The following AGBL4 variants were observed in gnomAD, a reference collection of about 807,000 sequenced individuals.
AGBL4 encodes the protein AGBL carboxypeptidase 4, also known as cytosolic carboxypeptidase 6.
AGBL4 carries 58 observed loss-of-function variants against 66.4 expected under a neutral mutation model. That is an observed-to-expected ratio of 0.87 (90% CI 0.71 to 1.09). AGBL4 has a LOEUF of 1.09. AGBL4 is among the 50% of genes least tolerant of loss of function. The pLI, the probability that AGBL4 is intolerant of heterozygous loss-of-function variation, is 0.00. For missense variants in AGBL4, 579 were observed against 631.0 expected, an observed-to-expected ratio of 0.92 and a Z score of 0.88; for synonymous variants, 234 against 222.9, an observed-to-expected ratio of 1.05 and a Z score of -0.44.
At chr1:48,797,525 T>A (rs184727956) in intron 6 of AGBL4, among the ~76,000 whole-genome samples, 2 of 152,352 alleles carry the variant, frequency 1.3e-5, no homozygotes, top group African/African-American at 4.8e-5. Context: ...TCCAGCTCCA[T>A]CCAGGTTGCT....
intron 3 of AGBL4, among the ~76,000 whole-genome samples, chr1:49,416,490 T>C (rs147508083): frequency 2.2e-3 from 334 of 152,288 alleles, no homozygotes; most frequent in African/African-American, 7.5e-3. Flanking sequence ...GAAATAATTA[T>C]GGGGTTGCCA....
At chr1:48,554,303 C>G (rs568404871) in intron 11 of AGBL4, among the ~76,000 whole-genome samples, 1 of 152,300 alleles carries the variant, frequency 6.6e-6, no homozygotes, top group East Asian at 1.9e-4. Context: ...ATTTGAGCAA[C>G]AGCTTTCACC....
chr1:49,967,948 G>C (rs199700437), intron 1 of AGBL4, among the ~76,000 whole-genome samples: 1 of 152,160 alleles, frequency 6.6e-6, no homozygotes, highest in East Asian at 1.9e-4. Flanking sequence ...TCAGGGCCGG[G>C]CATGGTGGCT....
At chr1:49,258,172 A>T (rs1333976910) in intron 3 of AGBL4, among the ~76,000 whole-genome samples, 1 of 152,232 alleles carries the variant, frequency 6.6e-6, no homozygotes. Flanking sequence ...CCATCACCAA[A>T]GACCAAAAGT....
chr1:49,264,504 C>G (rs1359387147), intron 3 of AGBL4, among the ~76,000 whole-genome samples: 1 of 151,370 alleles, frequency 6.6e-6, no homozygotes, highest in African/African-American at 2.4e-5. Context: ...ACTTCAATTT[C>G]TGTTCCACTG....
chr1:49,350,004 G>A (rs1315668525), intron 3 of AGBL4, among the ~76,000 whole-genome samples: 1 of 152,120 alleles, frequency 6.6e-6, no homozygotes, highest in Admixed American at 6.5e-5. Flanking sequence ...CCAGAATGGT[G>A]AGAAAATAAA....
intron 1 of AGBL4, among the ~76,000 whole-genome samples, chr1:49,882,306 T>C (rs1044530054): frequency 1.3e-4 from 19 of 150,792 alleles, no homozygotes; most frequent in African/African-American, 4.7e-4. Context: ...TAGTATAGTT[T>C]GAAGTCAGGT....
intron 1 of AGBL4, among the ~76,000 whole-genome samples, chr1:49,895,872 A>T (rs968315394): frequency 3.6e-4 from 55 of 151,852 alleles, no homozygotes; most frequent in African/African-American, 1.3e-3. Context: ...GTCCTTATTT[A>T]TCAATAATAA....
chr1:48,564,661 A>G (rs539064839), intron 11 of AGBL4, among the ~76,000 whole-genome samples: 1 of 152,380 alleles, frequency 6.6e-6, no homozygotes, highest in Non-Finnish European at 1.5e-5. Context: ...GGATGGATTC[A>G]TAATGTAAAT....
chr1:49,713,860 G>A (rs1350045222), intron 2 of AGBL4, among the ~76,000 whole-genome samples: 6 of 151,860 alleles, frequency 4.0e-5, no homozygotes, highest in African/African-American at 1.2e-4. Context: ...AAACTCCTGA[G>A]TTCAAGGGAT....
chr1:49,206,884 AGG>A, intron 4 of AGBL4, among the ~76,000 whole-genome samples: 1 of 100,756 alleles, frequency 9.9e-6, no homozygotes, highest in African/African-American at 4.6e-5. Flanking sequence ...AGGAGAGGAG[AGG>A]AGAGGAGAGG....
At chr1:49,704,837 T>A (rs970757273) in intron 2 of AGBL4, among the ~76,000 whole-genome samples, 50 of 152,332 alleles carry the variant, frequency 3.3e-4, no homozygotes, top group Admixed American at 3.1e-3. Context: ...TGTAGCTTTG[T>A]AGCATAATTT....
chr1:49,914,229 C>G (rs1651156393), intron 1 of AGBL4, among the ~76,000 whole-genome samples: 1 of 152,206 alleles, frequency 6.6e-6, no homozygotes, highest in African/African-American at 2.4e-5. Context: ...TCACATCTCT[C>G]TGTATGTGGT....
intron 3 of AGBL4, among the ~76,000 whole-genome samples, chr1:49,299,062 A>G (rs995906697): frequency 1.3e-5 from 2 of 152,298 alleles, no homozygotes; most frequent in South Asian, 2.1e-4. Context: ...ACACGCCATA[A>G]TAAGTGCTTT....
chr1:49,783,224 C>T (rs1234003342), intron 2 of AGBL4, among the ~76,000 whole-genome samples: 2 of 152,114 alleles, frequency 1.3e-5, no homozygotes, highest in South Asian at 2.1e-4. Flanking sequence ...TCAAACTTCT[C>T]ATAAAAATAT....
At chr1:49,096,036 A>G (rs1390089967) in intron 4 of AGBL4, among the ~76,000 whole-genome samples, 1 of 152,208 alleles carries the variant, frequency 6.6e-6, no homozygotes, top group Non-Finnish European at 1.5e-5. Flanking sequence ...AAGGATATGA[A>G]CAGACACTTC....
intron 6 of AGBL4, among the ~76,000 whole-genome samples, chr1:48,692,293 A>G (rs945777103): frequency 6.6e-5 from 10 of 152,202 alleles, no homozygotes; most frequent in African/African-American, 2.4e-4. Flanking sequence ...AGTCCAGTTA[A>G]TTACGAGCTC....
In AGBL4 at chr1:48,619,007, A is replaced by G. The variant is rs148847933; in HGVS notation, c.951+15486T>C. ...TAGGTTGGCTGCTTCCATGCATTTT[A>G]AAGCTAAAACAAGAGACTCTGAGAA... is the stretch of plus-strand genomic sequence containing the variant. On this transcript the variant is annotated intron_variant, in intron 9 of 13. Transcript: ENST00000371839. Among the ~76,000 whole-genome samples, 895 of 151,782 alleles carry G rather than the reference A, an allele frequency of 5.9e-3. 8 individuals carry two copies. Among genetic ancestry groups the G allele is most frequent in the African/African-American group, 0.02 (839 of 41,402 alleles).
At chr1:49,211,100 A>G (rs1047497375) in intron 4 of AGBL4, among the ~76,000 whole-genome samples, 1 of 152,104 alleles carries the variant, frequency 6.6e-6, no homozygotes, top group Non-Finnish European at 1.5e-5. Context: ...TCTCTCAGGG[A>G]TAGAAAAACA....
Sources: allele counts gnomAD v4.1 joint callset (sites outside exome capture counted in the v4.1 genomes callset), GRCh38; gene constraint gnomAD v4.1.1; transcripts MANE v1.5; gene names NCBI Gene and HGNC (gene_info 2026-07-23, HGNC 2026-07-21).